Variants in POFUT3 observed in about 807,000 individuals in gnomAD.
POFUT3 encodes the protein protein O-fucosyltransferase 3.
At chr8:33,354,406 G>C in the POFUT3 span, among the ~76,000 whole-genome samples, 1 of 152,128 alleles carries the variant, frequency 6.6e-6, no homozygotes. Flanking sequence ...GAGTCTGAGG[G>C]CAGTAGGAGG....
At chr8:33,319,177 T>C in the POFUT3 span, among the ~76,000 whole-genome samples, 5 of 19,074 alleles carry the variant, frequency 2.6e-4, 1 homozygote, top group African/African-American at 1.2e-3. Context: ...ATTTATATAT[T>C]ATATAAAATA....
the POFUT3 span, among the ~76,000 whole-genome samples, chr8:33,320,595 C>A: frequency 6.4e-4 from 97 of 152,132 alleles, no homozygotes; most frequent in East Asian, 5.6e-3. Context: ...AGGTAGTTTT[C>A]GGTTGAGATC....
chr8:33,361,821 C>T, the POFUT3 span, among the ~76,000 whole-genome samples: 145 of 151,970 alleles, frequency 9.5e-4, no homozygotes, highest in African/African-American at 3.0e-3. Flanking sequence ...CATTTTTTTC[C>T]GTGTTTCCCA....
At chr8:33,411,945 G>C in the POFUT3 span, among the ~76,000 whole-genome samples, 8 of 152,164 alleles carry the variant, frequency 5.3e-5, no homozygotes, top group Non-Finnish European at 1.2e-4. Context: ...CACTGTACTT[G>C]CCCAGGGGTT....
At chr8:33,459,240 T>A in the POFUT3 span, among the ~76,000 whole-genome samples, 6 of 152,166 alleles carry the variant, frequency 3.9e-5, no homozygotes, top group East Asian at 1.2e-3. Flanking sequence ...CTCAGGAGGC[T>A]GAGGCAGGAG....
the POFUT3 span, among the ~76,000 whole-genome samples, chr8:33,411,866 C>G: frequency 0.015 from 2,246 of 152,244 alleles, 57 homozygotes; most frequent in African/African-American, 0.05. Flanking sequence ...GTCTTAGGAC[C>G]AGCTCCAAAT....
At chr8:33,316,561 A>G in the POFUT3 span, among the ~76,000 whole-genome samples, 26 of 117,340 alleles carry the variant, frequency 2.2e-4, no homozygotes, top group African/African-American at 1.1e-3. Context: ...TCTCTACTAA[A>G]ACTACAAAAA....
chr8:33,391,857 A>C, the POFUT3 span, among the ~76,000 whole-genome samples: 2 of 152,204 alleles, frequency 1.3e-5, no homozygotes, highest in East Asian at 3.9e-4. Flanking sequence ...CCCAAACACC[A>C]GTCACTGTCT....
chr8:33,411,772 G>C, the POFUT3 span, among the ~76,000 whole-genome samples: 1 of 152,078 alleles, frequency 6.6e-6, no homozygotes, highest in African/African-American at 2.4e-5. Flanking sequence ...TGGGCAAAAA[G>C]AGTGAAACTC....
chr8:33,308,487 G>C, the POFUT3 span, among the ~76,000 whole-genome samples: 3 of 152,098 alleles, frequency 2.0e-5, no homozygotes, highest in African/African-American at 4.8e-5. Flanking sequence ...GATCTGCAAG[G>C]CTCCATGGAG....
chr8:33,378,483 T>C, the POFUT3 span, among the ~76,000 whole-genome samples: 1 of 152,100 alleles, frequency 6.6e-6, no homozygotes, highest in Non-Finnish European at 1.5e-5. Context: ...AGAGCTTGGC[T>C]GCCAAGAGAA....
the POFUT3 span, among the ~76,000 whole-genome samples, chr8:33,398,675 T>C: frequency 1.3e-5 from 2 of 152,196 alleles, no homozygotes; most frequent in African/African-American, 4.8e-5. Context: ...GACACAAATT[T>C]ACCTATATAA....
chr8:33,462,171 C>G, the POFUT3 span, among the ~76,000 whole-genome samples: 510 of 3,534 alleles, frequency 0.14, no homozygotes, highest in East Asian at 0.16. Context: ...GGGGAAGGGA[C>G]CAGAGTGGTG....
the POFUT3 span, among the ~76,000 whole-genome samples, chr8:33,399,662 G>A: frequency 5.1e-4 from 76 of 149,402 alleles, 2 homozygotes; most frequent in East Asian, 7.3e-3. Context: ...TTATTTATTT[G>A]TTTTTTTTTT....
At chr8:33,461,372 C>T in the POFUT3 span, 62 of 1,607,640 alleles carry the variant, frequency 3.9e-5, 1 homozygote, top group South Asian at 6.8e-4. Context: ...TTCTTGGTAC[C>T]TGGAGTGTGA....
the POFUT3 span, among the ~76,000 whole-genome samples, chr8:33,322,620 G>A: frequency 1.3e-5 from 2 of 152,148 alleles, no homozygotes; most frequent in South Asian, 4.1e-4. Flanking sequence ...AGTATAAAAG[G>A]GTAGAATATT....
the POFUT3 span, among the ~76,000 whole-genome samples, chr8:33,411,643 C>A: frequency 1.3e-5 from 2 of 152,002 alleles, no homozygotes; most frequent in African/African-American, 4.8e-5. Context: ...CAAAAATTAG[C>A]CAGGTGTGGG....
chr8:33,311,025 T>C, the POFUT3 span, among the ~76,000 whole-genome samples: 1 of 152,236 alleles, frequency 6.6e-6, no homozygotes, highest in Non-Finnish European at 1.5e-5. Context: ...ATCTTGGGGC[T>C]GGTACCCTCC....
the POFUT3 span, among the ~76,000 whole-genome samples, chr8:33,413,804 T>C: frequency 1.4e-4 from 21 of 152,136 alleles, no homozygotes; most frequent in Admixed American, 8.5e-4. Flanking sequence ...ACAATAAAGA[T>C]ACATATACCA....
Sources: gnomAD v4.1 joint callset for allele counts (sites outside exome capture counted in the v4.1 genomes callset) on GRCh38, gnomAD v4.1.1 for gene constraint, MANE v1.5 for transcripts, NCBI Gene and HGNC (gene_info 2026-07-23, HGNC 2026-07-21) for gene names.